The following HTR1F variants were observed in gnomAD, a reference collection of about 807,000 sequenced individuals.
HTR1F encodes the protein 5-hydroxytryptamine (serotonin) receptor 1F, G protein-coupled.
A neutral mutation model predicts 24.0 loss-of-function variants in HTR1F; 17 were observed. The ratio of observed to expected loss-of-function variants is 0.71; its 90% CI spans 0.48 to 1.06. The LOEUF (loss-of-function observed/expected upper bound fraction) is 1.06. Ranked by LOEUF, HTR1F falls within the 50% of genes least tolerant of loss-of-function variation. The pLI is 0.00. For synonymous variants in HTR1F, 186 were observed against 156.8 expected (o/e 1.19, Z -1.39); for missense variants, 391 against 427.8 (o/e 0.91, Z 0.76).
chr3:87,887,868 G>T (rs1705989037), intron 2 of HTR1F, among the ~76,000 whole-genome samples: 1 of 151,988 alleles, frequency 6.6e-6, no homozygotes, highest in Non-Finnish European at 1.5e-5. Context: ...TACACTGTTG[G>T]TGGGACTGTA....
At chr3:87,854,163 T>A (rs1430326778) in intron 2 of HTR1F, among the ~76,000 whole-genome samples, 1 of 152,000 alleles carries the variant, frequency 6.6e-6, no homozygotes, top group Non-Finnish European at 1.5e-5. Flanking sequence ...TATGTAGAAT[T>A]TTAACCCCAT....
chr3:87,867,553 TTA>T (rs1705456540), intron 2 of HTR1F, among the ~76,000 whole-genome samples: 1 of 152,012 alleles, frequency 6.6e-6, no homozygotes, highest in African/African-American at 2.4e-5. Flanking sequence ...GGAAAATGAG[TTA>T]TATATTTTAT....
chr3:87,812,771 G>T (rs1286317042), intron 1 of HTR1F, among the ~76,000 whole-genome samples: 5 of 152,194 alleles, frequency 3.3e-5, no homozygotes, highest in Non-Finnish European at 5.9e-5. Context: ...CTCAGGACTT[G>T]GTGTCCTGTG....
chr3:87,934,388 T>C (rs553312639), intron 2 of HTR1F, among the ~76,000 whole-genome samples: 1 of 152,250 alleles, frequency 6.6e-6, no homozygotes, highest in East Asian at 1.9e-4. Context: ...TCTATGACTC[T>C]CCATGGAGGA....
chr3:87,822,777 T>G (rs1160306018), intron 2 of HTR1F, among the ~76,000 whole-genome samples: 1 of 152,238 alleles, frequency 6.6e-6, no homozygotes, highest in East Asian at 1.9e-4. Context: ...TCTGATTATA[T>G]GTGTACATAA....
chr3:87,912,353 C>T (rs1468344339), intron 2 of HTR1F, among the ~76,000 whole-genome samples: 2 of 151,970 alleles, frequency 1.3e-5, no homozygotes, highest in Non-Finnish European at 2.9e-5. Context: ...CCCAGGAATA[C>T]AGCTAACCAT....
chr3:87,842,966 G>A (rs866113499), intron 2 of HTR1F, among the ~76,000 whole-genome samples: 1 of 151,802 alleles, frequency 6.6e-6, no homozygotes, highest in Non-Finnish European at 1.5e-5. Flanking sequence ...GATAGGTCTC[G>A]GTAAAGGACA....
intron 2 of HTR1F, among the ~76,000 whole-genome samples, chr3:87,899,083 T>A (rs911710713): frequency 6.6e-6 from 1 of 152,224 alleles, no homozygotes; most frequent in Non-Finnish European, 1.5e-5. Flanking sequence ...CTAATTTTTA[T>A]CTTCTATGGC....
intron 2 of HTR1F, among the ~76,000 whole-genome samples, chr3:87,935,508 A>G (rs982059690): frequency 7.2e-5 from 11 of 152,050 alleles, no homozygotes; most frequent in African/African-American, 2.4e-4. Context: ...AAACAAAGAA[A>G]AAAAAAAAAG....
chr3:87,886,926 A>G (rs1366569007), intron 2 of HTR1F, among the ~76,000 whole-genome samples: 1 of 152,196 alleles, frequency 6.6e-6, no homozygotes, highest in Non-Finnish European at 1.5e-5. Flanking sequence ...ATTCAATGCC[A>G]TCCCCATCAA....
chr3:87,938,846 C>T (rs1260297974), intron 2 of HTR1F, among the ~76,000 whole-genome samples: 1 of 152,152 alleles, frequency 6.6e-6, no homozygotes, highest in Non-Finnish European at 1.5e-5. Context: ...TGGAAGACAA[C>T]CTAGCCAATA....
intron 1 of HTR1F, among the ~76,000 whole-genome samples, chr3:87,802,638 C>T (rs984583383): frequency 1.3e-5 from 2 of 152,016 alleles, no homozygotes; most frequent in East Asian, 1.9e-4. Context: ...CATGAGCCAC[C>T]GCTCCTGGCT....
At chr3:87,881,740 C>A (rs1383263199) in intron 2 of HTR1F, among the ~76,000 whole-genome samples, 1 of 152,090 alleles carries the variant, frequency 6.6e-6, no homozygotes, top group Non-Finnish European at 1.5e-5. Context: ...AACGTTAGAC[C>A]TAAAACCATA....
chr3:87,908,561 T>C (rs1231383843), intron 2 of HTR1F, among the ~76,000 whole-genome samples: 2 of 152,066 alleles, frequency 1.3e-5, no homozygotes, highest in Non-Finnish European at 2.9e-5. Context: ...GATTATAATG[T>C]AGTTTCTGTA....
chr3:87,898,253 A>G (rs1706245720), intron 2 of HTR1F, among the ~76,000 whole-genome samples: 1 of 149,180 alleles, frequency 6.7e-6, no homozygotes, highest in African/African-American at 2.4e-5. Flanking sequence ...TATTTGTGCA[A>G]TCTTAGAGTT....
At chr3:87,868,624 A>G (rs1705477691) in intron 2 of HTR1F, among the ~76,000 whole-genome samples, 1 of 151,850 alleles carries the variant, frequency 6.6e-6, no homozygotes, top group South Asian at 2.1e-4. Flanking sequence ...TATATTTTAG[A>G]TAAGAATTAA....
intron 2 of HTR1F, among the ~76,000 whole-genome samples, chr3:87,924,826 G>C (rs780698975): frequency 6.6e-6 from 1 of 152,016 alleles, no homozygotes. Context: ...TTGACAATTT[G>C]ACTACAGTGT....
chr3:87,837,148 T>A (rs1704699405), intron 2 of HTR1F, among the ~76,000 whole-genome samples: 1 of 152,152 alleles, frequency 6.6e-6, no homozygotes. Flanking sequence ...TAGGCTTTTT[T>A]TTAGTTGCAA....
intron 2 of HTR1F, among the ~76,000 whole-genome samples, chr3:87,937,073 T>G (rs1351554049): frequency 8.5e-6 from 1 of 117,864 alleles, no homozygotes; most frequent in Non-Finnish European, 1.7e-5. Context: ...CCATCCCTGT[T>G]GAAACTACCC....
Sources: allele counts gnomAD v4.1 joint callset (sites outside exome capture counted in the v4.1 genomes callset), GRCh38; gene constraint gnomAD v4.1.1; transcripts MANE v1.5; gene names NCBI Gene and HGNC (gene_info 2026-07-23, HGNC 2026-07-21).